IL15: variants seen among roughly 807,000 people sequenced by gnomAD.
IL15 encodes interleukin 15, also known as interleukin-15.
In IL15, 11 loss-of-function variants were observed where a neutral mutation model predicts 19.6. The observed-to-expected ratio is 0.56, with a 90% CI of 0.35 to 0.93. The LOEUF (loss-of-function observed/expected upper bound fraction) is 0.93. Ranked by LOEUF, IL15 falls within the 40% of genes least tolerant of loss-of-function variation. IL15 has a pLI of 0.01. For synonymous variants in IL15, 58 were observed against 59.6 expected, an observed-to-expected ratio of 0.97 and a Z score of 0.12; for missense variants, 197 against 186.5, an observed-to-expected ratio of 1.06 and a Z score of -0.33.
At chr4:141,715,854 A>G (rs1387566569) in intron 2 of IL15, 1 of 152,226 alleles carries the variant, frequency 6.6e-6, no homozygotes, top group Non-Finnish European at 1.5e-5. Context: ...ATGTTAGATC[A>G]TCTTTCCTCA....
chr4:141,706,619 T>A (rs1230358703), intron 2 of IL15, among the ~76,000 whole-genome samples: 1 of 152,120 alleles, frequency 6.6e-6, no homozygotes, highest in East Asian at 1.9e-4. Context: ...TGGTGATGAA[T>A]CCCGTCAGTG....
At chr4:141,707,246 C>T (rs1263844443) in intron 2 of IL15, among the ~76,000 whole-genome samples, 1 of 151,966 alleles carries the variant, frequency 6.6e-6, no homozygotes, top group African/African-American at 2.4e-5. Context: ...TTTCAGCTCC[C>T]AGATTTCTGT....
At chr4:141,706,653 A>G (rs1220440244) in intron 2 of IL15, among the ~76,000 whole-genome samples, 1 of 150,634 alleles carries the variant, frequency 6.6e-6, no homozygotes, top group Non-Finnish European at 1.5e-5. Context: ...GAATGTCTTC[A>G]TTTCTCCTTC....
intron 5 of IL15, 128 bp from the exon 6 acceptor site, chr4:141,727,812 A>G: frequency 1.6e-6 from 1 of 620,490 alleles, no homozygotes; most frequent in East Asian, 3.0e-5. Context: ...TTACAGTTTC[A>G]TATGAATTTT....
intron 4 of IL15, chr4:141,721,167 G>T: frequency 1.7e-6 from 2 of 1,205,784 alleles, no homozygotes; most frequent in Non-Finnish European, 2.4e-6. Context: ...GGGAACCATA[G>T]ATTTGTGCAG....
intron 2 of IL15, among the ~76,000 whole-genome samples, chr4:141,671,014 G>GAGTCT (rs1728156992): frequency 6.6e-6 from 1 of 152,122 alleles, no homozygotes. Context: ...TATTTAAAAT[G>GAGTCT]GCAGAAGAAG....
intron 1 of IL15, among the ~76,000 whole-genome samples, chr4:141,640,051 G>C (rs1726992228): frequency 6.6e-6 from 1 of 152,172 alleles, no homozygotes; most frequent in Non-Finnish European, 1.5e-5. Context: ...GTTAACAGCT[G>C]TGGGCAGACA....
intron 2 of IL15, among the ~76,000 whole-genome samples, chr4:141,703,494 C>T (rs1465120686): frequency 6.6e-6 from 1 of 152,146 alleles, no homozygotes; most frequent in Non-Finnish European, 1.5e-5. Context: ...ACGAGGCTCC[C>T]TAAATTTGTT....
intron 2 of IL15, among the ~76,000 whole-genome samples, chr4:141,684,015 C>T (rs1158157165): frequency 1.3e-5 from 2 of 152,156 alleles, no homozygotes; most frequent in Non-Finnish European, 2.9e-5. Flanking sequence ...CAAAAATACA[C>T]TTATGGAAGC....
intron 2 of IL15, among the ~76,000 whole-genome samples, chr4:141,702,429 A>G (rs1480788619): frequency 6.6e-6 from 1 of 152,188 alleles, no homozygotes; most frequent in Non-Finnish European, 1.5e-5. Flanking sequence ...CCAGCAATGG[A>G]TACCAGCACC....
At chr4:141,636,974 C>T (rs989367430) in intron 1 of IL15, 3 of 152,296 alleles carry the variant, frequency 2.0e-5, no homozygotes, top group Admixed American at 6.5e-5. Context: ...TAGCCATCCT[C>T]CCGCTTCCGG....
intron 2 of IL15, among the ~76,000 whole-genome samples, chr4:141,666,904 G>A (rs770355074): frequency 6.6e-6 from 1 of 152,128 alleles, no homozygotes; most frequent in South Asian, 2.1e-4. Flanking sequence ...ATTCATATTA[G>A]GTCATACTCT....
At chr4:141,726,649 G>A (rs2152192162) in intron 5 of IL15, among the ~76,000 whole-genome samples, 1 of 152,250 alleles carries the variant, frequency 6.6e-6, no homozygotes, top group South Asian at 2.1e-4. Flanking sequence ...GTACATGAAT[G>A]TTCACAGAGA....
chr4:141,680,718 C>G (rs1192739930), intron 2 of IL15, among the ~76,000 whole-genome samples: 3 of 152,174 alleles, frequency 2.0e-5, no homozygotes, highest in African/African-American at 7.2e-5. Flanking sequence ...CCACCAGCCT[C>G]CCTTTTGGGG....
intron 1 of IL15, among the ~76,000 whole-genome samples, chr4:141,640,117 T>C (rs2152148818): frequency 6.6e-6 from 1 of 152,278 alleles, no homozygotes; most frequent in African/African-American, 2.4e-5. Flanking sequence ...CATAAGAAGC[T>C]AAGAAATCTT....
At position 141,720,566 on chromosome 4, in the gene IL15, G is replaced by T; in HGVS notation, c.110G>T (p.Gly37Val). The change falls in exon 4 of 8, where the codon GGC (glycine) becomes GTC (valine). Residue 37 changes from glycine (G) to valine (V), a missense_variant and splice_region_variant. Coordinates refer to ENST00000320650, the MANE Select transcript of IL15 (RefSeq NM_000585.5). Reference sequence around the variant, plus strand: ...GCTGGCATTCATGTCTTCATTTTGGGGTAATTTTATCTTTAGGCATAAATA... The same window carrying T: ...GCTGGCATTCATGTCTTCATTTTGGTGTAATTTTATCTTTAGGCATAAATA... ...TEAGIHVFIL[G>V]CFSAGLPKTE... 1 of 1,467,038 alleles carries T rather than the reference G, an allele frequency of 6.8e-7. No homozygotes were observed. Among genetic ancestry groups the T allele is most frequent in the Non-Finnish European group, 9.6e-7 (1 of 1,046,952 alleles). The allele number at this position is 1,467,038 out of a possible 1,614,324, so 90.9% of individuals were successfully genotyped here.
At chr4:141,715,886 G>C (rs1729866773) in intron 2 of IL15, 1 of 152,132 alleles carries the variant, frequency 6.6e-6, no homozygotes, top group Non-Finnish European at 1.5e-5. Context: ...TATAATATTG[G>C]TATAGAATGT....
intron 2 of IL15, among the ~76,000 whole-genome samples, chr4:141,678,089 T>C (rs573265286): frequency 2.6e-5 from 4 of 152,348 alleles, no homozygotes; most frequent in African/African-American, 9.6e-5. Flanking sequence ...TGGTCCCATA[T>C]GCTGCTATAA....
chr4:141,676,915 A>G (rs1449210984), intron 2 of IL15, among the ~76,000 whole-genome samples: 1 of 152,222 alleles, frequency 6.6e-6, no homozygotes, highest in East Asian at 1.9e-4. Flanking sequence ...CCACACTATG[A>G]GGAAGAAGAC....
Sources: allele counts gnomAD v4.1 joint callset (sites outside exome capture counted in the v4.1 genomes callset), GRCh38; gene constraint gnomAD v4.1.1; transcripts MANE v1.5; gene names NCBI Gene and HGNC (gene_info 2026-07-23, HGNC 2026-07-21).